The following VPS41 variants were observed in gnomAD, a reference collection of about 807,000 sequenced individuals.
The protein encoded by VPS41 is vacuolar protein sorting-associated protein 41 homolog.
VPS41 carries 85 observed loss-of-function variants against 130.9 expected under a neutral mutation model. The observed-to-expected ratio is 0.65, with a 90% CI of 0.55 to 0.78. VPS41 has a LOEUF of 0.78. Among genes scored for constraint, VPS41 ranks in the 30% least tolerant of loss-of-function variants. The pLI is 0.00. For synonymous variants in VPS41, 335 were observed against 332.9 expected (o/e 1.01, Z -0.07); for missense variants, 874 against 1,018.7 (o/e 0.86, Z 1.93).
intron 9 of VPS41, 110 bp from the exon 10 acceptor site, chr7:38,789,977 G>A (rs544363718): frequency 2.0e-6 from 2 of 1,009,984 alleles, no homozygotes. Context: ...ACTGCAGATG[G>A]AGTACAATCT....
chr7:38,896,960 A>T (rs1787011124), intron 2 of VPS41, among the ~76,000 whole-genome samples: 1 of 151,640 alleles, frequency 6.6e-6, no homozygotes, highest in Non-Finnish European at 1.5e-5. Flanking sequence ...TTGGGAGGCC[A>T]AGGCAGGCGG....
intron 4 of VPS41, among the ~76,000 whole-genome samples, chr7:38,837,305 C>T (rs1370402206): frequency 6.6e-6 from 1 of 152,138 alleles, no homozygotes; most frequent in African/African-American, 2.4e-5. Context: ...TATTAGTCAA[C>T]CTGGCAGCTG....
At chr7:38,867,839 G>C (rs71548641) in intron 3 of VPS41, among the ~76,000 whole-genome samples, 1 of 152,100 alleles carries the variant, frequency 6.6e-6, no homozygotes, top group Non-Finnish European at 1.5e-5. Context: ...CTAATTCAGG[G>C]TTGAGAGTAT....
chr7:38,770,594 T>C (rs1303249687), intron 14 of VPS41, among the ~76,000 whole-genome samples: 4 of 152,150 alleles, frequency 2.6e-5, no homozygotes, highest in Non-Finnish European at 5.9e-5. Context: ...CAAATAGGCA[T>C]AAAAGACTGA....
intron 23 of VPS41, among the ~76,000 whole-genome samples, chr7:38,744,894 A>C (rs1219701211): frequency 6.6e-6 from 1 of 152,188 alleles, no homozygotes; most frequent in African/African-American, 2.4e-5. Context: ...AAAGCGGAAA[A>C]ACCCTACTGA....
intron 7 of VPS41, among the ~76,000 whole-genome samples, chr7:38,805,718 G>A (rs1220336079): frequency 6.6e-6 from 1 of 152,180 alleles, no homozygotes; most frequent in African/African-American, 2.4e-5. Context: ...TTTCATGGAA[G>A]TGGCAGAACT....
chr7:38,823,010 T>C (rs76137055), intron 5 of VPS41, among the ~76,000 whole-genome samples: 6,435 of 152,284 alleles, frequency 0.042, 186 homozygotes, highest in Middle Eastern at 0.1. Flanking sequence ...TTAACTTTTG[T>C]AGGAATTCAC....
chr7:38,753,884 TG>T, intron 21 of VPS41, among the ~76,000 whole-genome samples: 1 of 152,244 alleles, frequency 6.6e-6, no homozygotes. Context: ...AACTGACTTT[TG>T]AAAAAAATGC....
chr7:38,733,085 C>A (rs1795700026), intron 25 of VPS41, among the ~76,000 whole-genome samples: 3 of 152,312 alleles, frequency 2.0e-5, no homozygotes, highest in African/African-American at 4.8e-5. Context: ...ACCTCAGCCT[C>A]CCAAAGTGAC....
At position 38,761,245 on chromosome 7, in the gene VPS41, C is replaced by T. The variant is rs201749745; in HGVS notation, c.1422+2210G>A. On this transcript the variant is annotated intron_variant, in intron 17 of 28. Coordinates refer to ENST00000310301, the MANE Select transcript of VPS41 (RefSeq NM_014396.4). ...TCTCTCTCCCTCTTTCTTTGTTTTT[C>T]TCTCTCTCTCTTCCTCTCTTTTTTT... Among the ~76,000 whole-genome samples the T allele has an allele frequency of 2.5e-4, 30 of 118,694 alleles. No homozygotes were observed. In the East Asian group the frequency reaches 3.5e-3, roughly 14 times the overall value. 77.9% of individuals were successfully genotyped at this position (118,694 alleles called of 152,430 possible).
At chr7:38,899,592 A>G (rs1441215297) in intron 1 of VPS41, among the ~76,000 whole-genome samples, 1 of 152,196 alleles carries the variant, frequency 6.6e-6, no homozygotes, top group Non-Finnish European at 1.5e-5. Flanking sequence ...CTGAACATCT[A>G]TTATAAACTG....
At chr7:38,777,632 A>G (rs1784283927) in intron 10 of VPS41, among the ~76,000 whole-genome samples, 1 of 152,210 alleles carries the variant, frequency 6.6e-6, no homozygotes, top group Admixed American at 6.5e-5. Context: ...CATACTCTAC[A>G]CTTCACAGAT....
chr7:38,766,042 A>G (rs1784036421), intron 15 of VPS41, among the ~76,000 whole-genome samples: 1 of 152,216 alleles, frequency 6.6e-6, no homozygotes, highest in Admixed American at 6.5e-5. Context: ...AAGTGCCAGA[A>G]CCTTTCTAAA....
intron 2 of VPS41, among the ~76,000 whole-genome samples, chr7:38,875,444 T>A (rs1786472604): frequency 6.6e-6 from 1 of 152,130 alleles, no homozygotes; most frequent in South Asian, 2.1e-4. Flanking sequence ...CCACACCTCA[T>A]CCCAAGAAAG....
intron 4 of VPS41, among the ~76,000 whole-genome samples, chr7:38,850,064 A>C (rs1562609357): frequency 6.6e-6 from 1 of 152,358 alleles, no homozygotes; most frequent in East Asian, 1.9e-4. Context: ...TAAATGGGAA[A>C]CTGAAAGATA....
intron 3 of VPS41, among the ~76,000 whole-genome samples, chr7:38,866,739 G>A (rs1055782533): frequency 3.9e-5 from 6 of 152,064 alleles, no homozygotes; most frequent in African/African-American, 1.4e-4. Context: ...GAAGAAATGT[G>A]GATAATGGAC....
At chr7:38,843,405 G>A (rs1430206367) in intron 4 of VPS41, among the ~76,000 whole-genome samples, 3 of 152,136 alleles carry the variant, frequency 2.0e-5, no homozygotes, top group South Asian at 2.1e-4. Flanking sequence ...ATGACTGGCC[G>A]GGCGCGGTGG....
chr7:38,860,418 C>G (rs1287039903), intron 4 of VPS41, among the ~76,000 whole-genome samples: 1 of 151,974 alleles, frequency 6.6e-6, no homozygotes, highest in Non-Finnish European at 1.5e-5. Context: ...TTTCAGCACT[C>G]CAGAAGACTC....
intron 7 of VPS41, among the ~76,000 whole-genome samples, chr7:38,815,022 G>A (rs1183325134): frequency 6.6e-6 from 1 of 152,110 alleles, no homozygotes; most frequent in African/African-American, 2.4e-5. Context: ...GGGCCTAACA[G>A]CTAAGCCACT....
Sources: allele counts gnomAD v4.1 joint callset (sites outside exome capture counted in the v4.1 genomes callset), GRCh38; gene constraint gnomAD v4.1.1; transcripts MANE v1.5; gene names NCBI Gene and HGNC (gene_info 2026-07-23, HGNC 2026-07-21).